Variants in CFAP54 observed in about 807,000 individuals in gnomAD.
The protein encoded by CFAP54 is cilia- and flagella-associated protein 54.
Under a neutral mutation model 370.4 loss-of-function variants are expected in CFAP54, and 290 were observed. The observed-to-expected ratio is 0.78, with a 90% CI of 0.71 to 0.86. The LOEUF is 0.86. CFAP54 is among the 40% of genes least tolerant of loss of function. CFAP54 has a pLI of 0.00. For synonymous variants in CFAP54, 1,206 were observed against 1,236.5 expected (o/e 0.98, Z 0.52); for missense variants, 3,399 against 3,528.7 (o/e 0.96, Z 0.93).
intron 13 of CFAP54, among the ~76,000 whole-genome samples, chr12:96,539,201 C>T (rs1304710080): frequency 1.3e-5 from 2 of 151,024 alleles, no homozygotes; most frequent in East Asian, 2.0e-4. Flanking sequence ...GCTGCGATTA[C>T]GGGCATCCAC....
chr12:96,601,997 A>G (rs892912369), intron 26 of CFAP54, among the ~76,000 whole-genome samples: 1 of 152,048 alleles, frequency 6.6e-6, no homozygotes, highest in Non-Finnish European at 1.5e-5. Flanking sequence ...GTCTTCTGCT[A>G]GCTTTTGAAT....
intron 39 of CFAP54, among the ~76,000 whole-genome samples, chr12:96,665,407 T>C (rs779432357): frequency 2.0e-5 from 3 of 152,224 alleles, no homozygotes; most frequent in African/African-American, 4.8e-5. Context: ...GCCTATGTCC[T>C]GAATGGTATT....
intron 36 of CFAP54, among the ~76,000 whole-genome samples, chr12:96,655,675 T>A (rs1181385446): frequency 3.3e-5 from 5 of 152,068 alleles, no homozygotes; most frequent in Admixed American, 1.3e-4. Context: ...TGATTTTTTT[T>A]AACAAAAAAT....
At chr12:96,572,873 G>A in intron 19 of CFAP54, 1 of 985,354 alleles carries the variant, frequency 1.0e-6, no homozygotes, top group African/African-American at 1.7e-5. Context: ...TATAGCCATG[G>A]CAGAACACAG....
chr12:96,711,251 A>G (rs1957610631), intron 48 of CFAP54, among the ~76,000 whole-genome samples: 2 of 151,794 alleles, frequency 1.3e-5, no homozygotes, highest in Non-Finnish European at 2.9e-5. Context: ...GTTAGTAGTA[A>G]TGTTTCCTCT....
chr12:96,545,052 C>G (rs1056032601), intron 14 of CFAP54, among the ~76,000 whole-genome samples: 2 of 152,114 alleles, frequency 1.3e-5, no homozygotes, highest in African/African-American at 4.8e-5. Context: ...GCTGGGATTA[C>G]AGGCATGAGC....
intron 63 of CFAP54, among the ~76,000 whole-genome samples, chr12:96,798,757 T>A (rs554855129): frequency 6.6e-6 from 1 of 152,306 alleles, no homozygotes; most frequent in East Asian, 1.9e-4. Context: ...TTATGTGAAA[T>A]TATTTTTAAA....
At chr12:96,757,906 G>A (rs1958282265) in intron 58 of CFAP54, among the ~76,000 whole-genome samples, 1 of 152,146 alleles carries the variant, frequency 6.6e-6, no homozygotes, top group Non-Finnish European at 1.5e-5. Flanking sequence ...GCAAGGCAAT[G>A]AATGAGTCAT....
intron 60 of CFAP54, among the ~76,000 whole-genome samples, chr12:96,775,210 A>G (rs567397181): frequency 6.6e-6 from 1 of 152,230 alleles, no homozygotes; most frequent in Admixed American, 6.5e-5. Context: ...TGGGCAAATC[A>G]TGAGGTCAGG....
At chr12:96,503,472 G>A (rs1034049866) in intron 2 of CFAP54, among the ~76,000 whole-genome samples, 39 of 129,356 alleles carry the variant, frequency 3.0e-4, no homozygotes, top group South Asian at 2.6e-3. Context: ...TCGCTCGCTC[G>A]CTCTTCGTTT....
intron 44 of CFAP54, among the ~76,000 whole-genome samples, chr12:96,691,567 T>C (rs980749980): frequency 6.6e-6 from 1 of 152,170 alleles, no homozygotes; most frequent in African/African-American, 2.4e-5. Context: ...CTTAAGTTAG[T>C]TGGTGAAATT....
intron 1 of CFAP54, among the ~76,000 whole-genome samples, chr12:96,495,285 CTTCCTTCT>C (rs1282891900): frequency 1.4e-4 from 17 of 118,846 alleles, no homozygotes; most frequent in Admixed American, 2.9e-4. Context: ...TCCTTCCTTC[CTTCCTTCT>C]TTCCTTCCTT....
chr12:96,542,764 C>T (rs555822155), intron 14 of CFAP54, among the ~76,000 whole-genome samples: 1 of 152,178 alleles, frequency 6.6e-6, no homozygotes, highest in Admixed American at 6.5e-5. Flanking sequence ...TTCCGATGTC[C>T]CTGATTGTAT....
At chr12:96,639,353 C>G (rs1434209105) in intron 32 of CFAP54, among the ~76,000 whole-genome samples, 1 of 152,208 alleles carries the variant, frequency 6.6e-6, no homozygotes, top group Non-Finnish European at 1.5e-5. Context: ...TTCCTTGACA[C>G]ATACACTCTC....
chr12:96,624,345 A>G (rs1237382486), intron 28 of CFAP54, among the ~76,000 whole-genome samples: 1 of 152,198 alleles, frequency 6.6e-6, no homozygotes, highest in Non-Finnish European at 1.5e-5. Flanking sequence ...TGGCACAAAA[A>G]TCACTGCTTT....
chr12:96,490,558 G>A (rs1244308587), intron 1 of CFAP54, among the ~76,000 whole-genome samples: 1 of 152,120 alleles, frequency 6.6e-6, no homozygotes, highest in Non-Finnish European at 1.5e-5. Flanking sequence ...TGGGCATGGT[G>A]GCACATGCCT....
chr12:96,869,933 C>CAAAA (rs760992300), intron 67 of CFAP54, among the ~76,000 whole-genome samples: 1 of 36,844 alleles, frequency 2.7e-5, no homozygotes, highest in Non-Finnish European at 5.8e-5. Context: ...AAAACTCCGT[C>CAAAA]AAAAAAAAAA....
chr12:96,716,035 C>T (rs2136602310), intron 48 of CFAP54, among the ~76,000 whole-genome samples: 1 of 152,264 alleles, frequency 6.6e-6, no homozygotes, highest in South Asian at 2.1e-4. Context: ...CAGGTGACAT[C>T]ACCTCACTTC....
intron 62 of CFAP54, among the ~76,000 whole-genome samples, chr12:96,789,815 G>A (rs966408098): frequency 6.6e-6 from 1 of 152,126 alleles, no homozygotes; most frequent in Non-Finnish European, 1.5e-5. Flanking sequence ...ATTGTCTCTT[G>A]CCTGACAGGT....
Sources: allele counts gnomAD v4.1 joint callset (sites outside exome capture counted in the v4.1 genomes callset), GRCh38; gene constraint gnomAD v4.1.1; transcripts MANE v1.5; gene names NCBI Gene and HGNC (gene_info 2026-07-23, HGNC 2026-07-21).